GPC6: variants seen among roughly 807,000 people sequenced by gnomAD.
The protein encoded by GPC6 is glypican 6, also known as glypican-6.
In GPC6, 14 loss-of-function variants were observed where a neutral mutation model predicts 55.2. That is an observed-to-expected ratio of 0.25 (90% CI 0.17 to 0.40). The LOEUF (loss-of-function observed/expected upper bound fraction) is 0.40, where lower values mean the gene tolerates loss of function less well. Ranked by LOEUF, GPC6 falls within the 10% of genes least tolerant of loss-of-function variation. The probability of loss-of-function intolerance (pLI) is 1.00; values close to 1 mark genes in which losing one functional copy is unlikely to be tolerated. For synonymous variants in GPC6, 278 were observed against 259.6 expected (o/e 1.07, Z -0.68); for missense variants, 641 against 708.5 (o/e 0.90, Z 1.08).
chr13:94,061,834 A>G (rs908618992), intron 4 of GPC6, among the ~76,000 whole-genome samples: 5 of 152,124 alleles, frequency 3.3e-5, no homozygotes, highest in African/African-American at 1.2e-4. Flanking sequence ...ATGCACTTCA[A>G]GACCCAAGGT....
At chr13:93,803,037 T>A (rs1252544403) in intron 2 of GPC6, among the ~76,000 whole-genome samples, 1 of 152,150 alleles carries the variant, frequency 6.6e-6, no homozygotes, top group Non-Finnish European at 1.5e-5. Flanking sequence ...GAAATTATAT[T>A]TTGAGTTTAG....
At chr13:93,645,708 A>G (rs1315855974) in intron 2 of GPC6, among the ~76,000 whole-genome samples, 1 of 152,104 alleles carries the variant, frequency 6.6e-6, no homozygotes, top group Non-Finnish European at 1.5e-5. Context: ...AGAAAACCTC[A>G]TTTATTTTTC....
chr13:93,906,990 T>A (rs994564925), intron 3 of GPC6, among the ~76,000 whole-genome samples: 2 of 152,180 alleles, frequency 1.3e-5, no homozygotes, highest in Admixed American at 1.3e-4. Flanking sequence ...TGTAAACATG[T>A]GGAGATAAGA....
intron 2 of GPC6, among the ~76,000 whole-genome samples, chr13:93,753,656 C>T (rs566580761): frequency 2.8e-4 from 42 of 152,256 alleles, no homozygotes; most frequent in African/African-American, 1.0e-3. Flanking sequence ...CCCAGTTTTG[C>T]TATCAAACAG....
chr13:93,892,037 C>T (rs550262948), intron 3 of GPC6, among the ~76,000 whole-genome samples: 22 of 151,870 alleles, frequency 1.4e-4, no homozygotes, highest in African/African-American at 4.6e-4. Context: ...GTCATATACA[C>T]GTGCACACAC....
chr13:93,223,040 T>TTC (rs1555335541), upstream of GPC6, among the ~76,000 whole-genome samples: 5 of 148,650 alleles, frequency 3.4e-5, no homozygotes, highest in East Asian at 3.9e-4. Context: ...TTTTTTTTTT[T>TTC]CAGAAATCTC....
chr13:94,046,534 C>A (rs1429945363), intron 4 of GPC6, among the ~76,000 whole-genome samples: 1 of 152,006 alleles, frequency 6.6e-6, no homozygotes, highest in Non-Finnish European at 1.5e-5. Flanking sequence ...TCCCAAGCAA[C>A]TAATCTGACT....
At chr13:93,260,116 A>G (rs974087454) in intron 1 of GPC6, among the ~76,000 whole-genome samples, 2 of 152,158 alleles carry the variant, frequency 1.3e-5, no homozygotes, top group African/African-American at 4.8e-5. Flanking sequence ...TCTTTCAGTG[A>G]CCAATTCATA....
At chr13:94,095,061 CA>C (rs1885613388) in intron 4 of GPC6, among the ~76,000 whole-genome samples, 1 of 151,924 alleles carries the variant, frequency 6.6e-6, no homozygotes, top group Non-Finnish European at 1.5e-5. Flanking sequence ...CAGAAGGATA[CA>C]AATAAAAATT....
At position 93,630,870 on chromosome 13, in the gene GPC6, C is replaced by T. The variant is rs114276763; in HGVS notation, c.319+85449C>T. On this transcript the variant is annotated intron_variant, in intron 2 of 8. Coordinates refer to ENST00000377047, the MANE Select transcript of GPC6 (RefSeq NM_005708.5). ...TATTCACATGTCAAAGTCCTAACAACCCCCCCATATCTCAGAGTGTGACTG... is the reference window on the plus strand; with the variant it reads ...TATTCACATGTCAAAGTCCTAACAATCCCCCCATATCTCAGAGTGTGACTG... Among the ~76,000 whole-genome samples, 277 of 152,068 alleles carry T rather than the reference C, an allele frequency of 1.8e-3. 2 individuals carry two copies. The highest frequency in any genetic ancestry group is 6.5e-3 in the African/African-American group (269 of 41,482).
At chr13:94,119,328 G>C (rs188442636) in intron 4 of GPC6, among the ~76,000 whole-genome samples, 1 of 152,052 alleles carries the variant, frequency 6.6e-6, no homozygotes, top group African/African-American at 2.4e-5. Flanking sequence ...GAAAAATAAA[G>C]CAGAGAAGGG....
chr13:93,535,849 G>A (rs1882042537), intron 1 of GPC6, among the ~76,000 whole-genome samples: 1 of 151,990 alleles, frequency 6.6e-6, no homozygotes, highest in Admixed American at 6.6e-5. Flanking sequence ...CTAGTAACAT[G>A]TTACAAAGAA....
intron 1 of GPC6, among the ~76,000 whole-genome samples, chr13:93,387,293 C>G (rs1042988705): frequency 1.3e-5 from 2 of 152,096 alleles, no homozygotes; most frequent in African/African-American, 2.4e-5. Flanking sequence ...CCCGCATGCA[C>G]CAGGTACCTG....
intron 1 of GPC6, among the ~76,000 whole-genome samples, chr13:93,499,065 C>T (rs922866938): frequency 6.7e-6 from 1 of 149,176 alleles, no homozygotes; most frequent in Non-Finnish European, 1.5e-5. Context: ...CAAAAATTAA[C>T]ATAGTATATC....
At chr13:94,075,370 T>C (rs1302109202) in intron 4 of GPC6, among the ~76,000 whole-genome samples, 2 of 152,034 alleles carry the variant, frequency 1.3e-5, no homozygotes, top group Admixed American at 6.6e-5. Context: ...AATAAACATA[T>C]TTATCACCCC....
chr13:94,167,201 A>C (rs1888398035), intron 4 of GPC6, among the ~76,000 whole-genome samples: 1 of 152,202 alleles, frequency 6.6e-6, no homozygotes, highest in African/African-American at 2.4e-5. Flanking sequence ...TATGGTCCAA[A>C]GTATTTAGAA....
At chr13:93,533,360 C>T (rs1340911176) in intron 1 of GPC6, among the ~76,000 whole-genome samples, 1 of 152,188 alleles carries the variant, frequency 6.6e-6, no homozygotes, top group African/African-American at 2.4e-5. Flanking sequence ...CACTTCCCTC[C>T]ACCTGTTTCC....
intron 6 of GPC6, among the ~76,000 whole-genome samples, chr13:94,380,055 A>G (rs559611505): frequency 5.9e-5 from 9 of 152,354 alleles, no homozygotes; most frequent in African/African-American, 2.2e-4. Context: ...AATTCTGCAC[A>G]TACTGAAAGG....
intron 2 of GPC6, among the ~76,000 whole-genome samples, chr13:93,828,086 C>G (rs1232898981): frequency 6.6e-6 from 1 of 151,650 alleles, no homozygotes; most frequent in African/African-American, 2.4e-5. Flanking sequence ...TTGCTGAAGG[C>G]AGTATTCTGT....
Sources: gnomAD v4.1 joint callset for allele counts (sites outside exome capture counted in the v4.1 genomes callset) on GRCh38, gnomAD v4.1.1 for gene constraint, MANE v1.5 for transcripts, NCBI Gene and HGNC (gene_info 2026-07-23, HGNC 2026-07-21) for gene names.